The following BRMS1L variants were observed in gnomAD, a reference collection of about 807,000 sequenced individuals.
The protein encoded by BRMS1L is breast cancer metastasis-suppressor 1-like protein.
Under a neutral mutation model 50.3 loss-of-function variants are expected in BRMS1L, and 23 were observed. That is an observed-to-expected ratio of 0.46 (90% CI 0.33 to 0.65). BRMS1L has a LOEUF of 0.65. Among genes scored for constraint, BRMS1L ranks in the 30% least tolerant of loss-of-function variants. The probability of loss-of-function intolerance (pLI) is 0.02; values close to 1 mark genes in which losing one functional copy is unlikely to be tolerated. For synonymous variants in BRMS1L, 114 were observed against 126.9 expected, an observed-to-expected ratio of 0.90 and a Z score of 0.69; for missense variants, 286 against 386.1, an observed-to-expected ratio of 0.74 and a Z score of 2.17.
intron 3 of BRMS1L, among the ~76,000 whole-genome samples, chr14:35,834,010 C>T (rs887234865): frequency 3.4e-4 from 52 of 152,114 alleles, no homozygotes; most frequent in African/African-American, 1.2e-3. Flanking sequence ...CATGGATGAT[C>T]AGGAAATATT....
intron 4 of BRMS1L, among the ~76,000 whole-genome samples, chr14:35,862,345 T>A (rs1451646183): frequency 1.3e-5 from 2 of 152,142 alleles, no homozygotes; most frequent in Non-Finnish European, 2.9e-5. Flanking sequence ...TAAATGTACA[T>A]CAGACATAAT....
At chr14:35,870,246 T>C in intron 9 of BRMS1L, 114 bp from the exon 10 acceptor site, 1 of 625,788 alleles carries the variant, frequency 1.6e-6, no homozygotes, top group Non-Finnish European at 2.9e-6. Context: ...GACAATTATA[T>C]ACCTGAGTCT....
At chr14:35,844,926 G>A (rs946183772) in intron 4 of BRMS1L, among the ~76,000 whole-genome samples, 3 of 151,882 alleles carry the variant, frequency 2.0e-5, no homozygotes, top group African/African-American at 7.3e-5. Context: ...TATCGCCCAG[G>A]CTGGAGTGCA....
Position 35,865,743 on chromosome 14 carries a change from C to A in BRMS1L, c.709C>A (p.His237Asn). 6.3e-7 allele frequency: 1 copy of A among 1,597,662 alleles called. No individual in the cohort carries two copies. The highest frequency in any genetic ancestry group is 1.4e-5 in the African/African-American group (1 of 73,370). ...IRKAMATLGP[H>N]RVKTEPPVKL... ...TAAGGCAATGGCTACATTGGGGCCA[C>A]ACAGAGTGAAAACGGAACGTAAGTC... is the stretch of plus-strand genomic sequence containing the variant. Residue 237 changes from histidine to asparagine, a missense_variant, in exon 8 of 10, where the codon CAC becomes AAC. By Grantham distance (68) the His-to-Asn change is moderately conservative. Transcript: ENST00000216807.
intron 4 of BRMS1L, 126 bp downstream of exon 4, chr14:35,835,049 GA>G: frequency 2.2e-6 from 1 of 461,664 alleles, no homozygotes; most frequent in Non-Finnish European, 3.3e-6. Context: ...ATTTGTGTGT[GA>G]TTAAAAAAAA....
At chr14:35,826,895 C>G in intron 1 of BRMS1L, 1 of 536,080 alleles carries the variant, frequency 1.9e-6, no homozygotes. Flanking sequence ...CCAAACGCGG[C>G]GTGGTCCTGC....
At position 35,863,970 on chromosome 14, in the gene BRMS1L, T is replaced by G; in HGVS notation, c.622+17T>G. 6.2e-7 allele frequency: 1 copy of G among 1,608,402 alleles called. No homozygotes were observed. Among genetic ancestry groups the G allele is most frequent in the South Asian group, 1.1e-5 (1 of 90,306 alleles). On this transcript the variant is annotated intron_variant, in intron 6 of 9. Coordinates refer to ENST00000216807, the MANE Select transcript of BRMS1L (RefSeq NM_032352.4). ...TTGTTTCAGATATCCTTTTCCAAAT[T>G]TTCTGTTTTTTTTTCCTTGATGTGC...
intron 3 of BRMS1L, among the ~76,000 whole-genome samples, chr14:35,834,117 GAT>G (rs1158978494): frequency 1.3e-5 from 2 of 152,124 alleles, no homozygotes; most frequent in African/African-American, 4.8e-5. Flanking sequence ...CGTAGTTCCA[GAT>G]ATCTGTCTCT....
intron 4 of BRMS1L, among the ~76,000 whole-genome samples, chr14:35,854,436 C>T (rs2078253741): frequency 6.6e-6 from 1 of 152,206 alleles, no homozygotes. Context: ...GTTTCCTTCT[C>T]ACTGGCCGCA....
intron 6 of BRMS1L, 64 bp downstream of exon 6, chr14:35,864,017 T>G: frequency 8.3e-7 from 1 of 1,204,296 alleles, no homozygotes; most frequent in Non-Finnish European, 1.2e-6. Context: ...GTGCATGCCT[T>G]TATAACTTTT....
chr14:35,862,665 C>G lies in BRMS1L; in HGVS notation c.517C>G (p.His173Asp). The G allele has an allele frequency of 6.2e-7, 1 of 1,609,712 alleles. No individual in the cohort carries two copies. The highest frequency in any genetic ancestry group is 8.5e-7 in the Non-Finnish European group (1 of 1,177,430). The change falls in exon 5 of 10, where the codon CAC (histidine) becomes GAC (aspartate). Residue 173 changes from histidine to aspartate, a missense_variant. His to Asp is a moderately conservative substitution (Grantham distance 81). Around this residue, in one of 5 missense-constraint regions of BRMS1L, gnomAD observed 160 missense variants for 240.6 expected, o/e 0.66. Transcript: ENST00000216807. ...GATAAGAAGGCTTGAAGAGGATAGG[C>G]ACAGCATTGATATTACCTCAGGTAA... ...EKIRRLEEDR[H>D]SIDITSELWN...
At position 35,850,351 on chromosome 14, in the gene BRMS1L, G is replaced by A. The variant is rs1403405828; in HGVS notation, c.442-12239G>A. Among the ~76,000 whole-genome samples the A allele has an allele frequency of 3.9e-5, 6 of 151,998 alleles. No homozygotes were observed. The East Asian group carries it at 1.2e-3, about 29-fold the overall frequency. On this transcript the variant is annotated intron_variant, in intron 4 of 9. Coordinates refer to ENST00000216807, the MANE Select transcript of BRMS1L (RefSeq NM_032352.4). ...GCCTCCTGAGTAGCTGGGATTACAG[G>A]CATGCACCACCATGCCTGGCTAATT...
intron 1 of BRMS1L, 105 bp downstream of exon 1, chr14:35,826,763 C>T: frequency 6.7e-7 from 1 of 1,489,402 alleles, no homozygotes; most frequent in Admixed American, 2.2e-5. Context: ...GGGGCGGGGA[C>T]AGAGGGAAGG....
At chr14:35,827,848 G>T (rs1338055042) in intron 1 of BRMS1L, among the ~76,000 whole-genome samples, 1 of 152,218 alleles carries the variant, frequency 6.6e-6, no homozygotes, top group East Asian at 1.9e-4. Flanking sequence ...TTATCTTGAA[G>T]AATGAGTAGA....
At chr14:35,834,538 A>G (rs924158354) in intron 3 of BRMS1L, among the ~76,000 whole-genome samples, 5 of 152,178 alleles carry the variant, frequency 3.3e-5, no homozygotes, top group Non-Finnish European at 2.9e-5. Flanking sequence ...TGTTTTTCAC[A>G]GGAAAAGAGT....
intron 4 of BRMS1L, among the ~76,000 whole-genome samples, chr14:35,843,632 G>C (rs1267192357): frequency 1.3e-5 from 2 of 152,212 alleles, no homozygotes; most frequent in African/African-American, 4.8e-5. Flanking sequence ...CCGGCTGGGA[G>C]GTGTCTCCCA....
chr14:35,833,138 A>T (rs1325949790), intron 3 of BRMS1L, 33 bp downstream of exon 3: 1 of 1,586,392 alleles, frequency 6.3e-7, no homozygotes, highest in Non-Finnish European at 8.6e-7. Flanking sequence ...CCATATATAG[A>T]ATGTAAACTC....
At chr14:35,865,578 T>C in intron 7 of BRMS1L, 144 bp from the exon 8 acceptor site, 1 of 640,636 alleles carries the variant, frequency 1.6e-6, no homozygotes, top group Non-Finnish European at 2.6e-6. Flanking sequence ...CATTAAAAAT[T>C]TGTTAGAGCA....
At chr14:35,827,582 A>G (rs917155419) in intron 1 of BRMS1L, among the ~76,000 whole-genome samples, 1 of 152,208 alleles carries the variant, frequency 6.6e-6, no homozygotes, top group Non-Finnish European at 1.5e-5. Flanking sequence ...CCATGGAAGG[A>G]TATAATTTCA....
Sources: allele counts gnomAD v4.1 joint callset (sites outside exome capture counted in the v4.1 genomes callset), GRCh38; gene constraint gnomAD v4.1.1; regional missense constraint gnomAD v4.1.1; transcripts MANE v1.5; gene names NCBI Gene and HGNC (gene_info 2026-07-23, HGNC 2026-07-21).